GPC5: variants seen among roughly 807,000 people sequenced by gnomAD.
GPC5 encodes the protein glypican-5.
GPC5 carries 47 observed loss-of-function variants against 53.9 expected under a neutral mutation model. The ratio of observed to expected loss-of-function variants is 0.87; its 90% CI spans 0.69 to 1.11. The LOEUF (loss-of-function observed/expected upper bound fraction) is 1.11, where lower values mean the gene tolerates loss of function less well. GPC5 is among the 50% of genes most tolerant of loss of function. GPC5 has a pLI of 0.00. For synonymous variants in GPC5, 286 were observed against 263.3 expected (o/e 1.09, Z -0.84); for missense variants, 748 against 713.1 (o/e 1.05, Z -0.56).
At chr13:92,828,768 C>T (rs188193682) in intron 7 of GPC5, among the ~76,000 whole-genome samples, 117 of 152,154 alleles carry the variant, frequency 7.7e-4, no homozygotes, top group African/African-American at 2.8e-3. Context: ...CAAAGACGTC[C>T]ACTAAAATTT....
At chr13:91,826,037 A>G (rs1288085488) in intron 5 of GPC5, among the ~76,000 whole-genome samples, 1 of 152,106 alleles carries the variant, frequency 6.6e-6, no homozygotes, top group East Asian at 1.9e-4. Flanking sequence ...CAAGTTAACT[A>G]AAAATAACAT....
At chr13:92,177,403 T>C (rs78804181) in intron 7 of GPC5, among the ~76,000 whole-genome samples, 3,473 of 152,330 alleles carry the variant, frequency 0.023, 133 homozygotes, top group African/African-American at 0.078. Context: ...TTATTTCAAA[T>C]GATTAACCTA....
chr13:92,377,095 C>T (rs2043701280), intron 7 of GPC5, among the ~76,000 whole-genome samples: 1 of 152,070 alleles, frequency 6.6e-6, no homozygotes, highest in African/African-American at 2.4e-5. Flanking sequence ...TCTTTCAAAC[C>T]TTAGTTCCTG....
chr13:92,069,519 G>A (rs929807853), intron 6 of GPC5, among the ~76,000 whole-genome samples: 2 of 151,250 alleles, frequency 1.3e-5, no homozygotes, highest in African/African-American at 4.9e-5. Context: ...TATACCTCAT[G>A]GCATCTCCAT....
At chr13:92,714,288 C>G (rs184264347) in intron 7 of GPC5, among the ~76,000 whole-genome samples, 16 of 152,264 alleles carry the variant, frequency 1.1e-4, no homozygotes, top group Admixed American at 2.0e-4. Context: ...GATAAGAATA[C>G]AGATTTTATG....
intron 7 of GPC5, among the ~76,000 whole-genome samples, chr13:92,178,803 C>T (rs1407814396): frequency 4.6e-5 from 7 of 151,886 alleles, no homozygotes; most frequent in East Asian, 1.9e-4. Context: ...GGTGAAACCC[C>T]GTCTCTACTA....
intron 2 of GPC5, among the ~76,000 whole-genome samples, chr13:91,628,480 A>ATCTGTCTG (rs56957789): frequency 0.059 from 8,732 of 149,120 alleles, 398 homozygotes; most frequent in South Asian, 0.22. Flanking sequence ...ATTTGTATCT[A>ATCTGTCTG]TCTGTCTGTC....
At chr13:92,270,896 C>T (rs1281901118) in intron 7 of GPC5, among the ~76,000 whole-genome samples, 1 of 152,096 alleles carries the variant, frequency 6.6e-6, no homozygotes, top group Non-Finnish European at 1.5e-5. Context: ...AATACATAAT[C>T]TTGCTTTGTA....
chr13:91,957,560 A>C (rs893604964), intron 6 of GPC5, among the ~76,000 whole-genome samples: 3 of 152,208 alleles, frequency 2.0e-5, no homozygotes, highest in African/African-American at 7.2e-5. Context: ...AAAAATAGCA[A>C]GAGAAAAGCA....
chr13:92,349,707 T>A (rs1433988496), intron 7 of GPC5, among the ~76,000 whole-genome samples: 4 of 152,000 alleles, frequency 2.6e-5, no homozygotes, highest in African/African-American at 9.7e-5. Context: ...ATAAAAAATC[T>A]GAAATGACCA....
At chr13:92,498,653 C>G (rs903716121) in intron 7 of GPC5, among the ~76,000 whole-genome samples, 8 of 152,276 alleles carry the variant, frequency 5.3e-5, no homozygotes, top group African/African-American at 1.9e-4. Flanking sequence ...GGAGACTCTC[C>G]TGCCCTGCTC....
chr13:91,647,520 C>T (rs1393388706), intron 2 of GPC5, among the ~76,000 whole-genome samples: 1 of 152,244 alleles, frequency 6.6e-6, no homozygotes, highest in Non-Finnish European at 1.5e-5. Flanking sequence ...TTTCTGCATT[C>T]CTCCTGAGGC....
intron 7 of GPC5, among the ~76,000 whole-genome samples, chr13:92,689,546 G>T (rs1887333162): frequency 1.2e-5 from 1 of 85,742 alleles, no homozygotes; most frequent in Non-Finnish European, 2.4e-5. Flanking sequence ...TCTTTTAATT[G>T]CAGAATTTAG....
chr13:91,596,215 A>G (rs1041237837), intron 2 of GPC5, among the ~76,000 whole-genome samples: 2 of 152,020 alleles, frequency 1.3e-5, no homozygotes, highest in African/African-American at 4.8e-5. Flanking sequence ...ATATTTTTTC[A>G]TTCTTATAAT....
chr13:91,974,313 A>G (rs2040275477), intron 6 of GPC5, among the ~76,000 whole-genome samples: 1 of 152,200 alleles, frequency 6.6e-6, no homozygotes, highest in African/African-American at 2.4e-5. Flanking sequence ...CAATTAGGGA[A>G]AGAGGAAGTC....
chr13:91,438,174 C>T (rs1264427067), intron 1 of GPC5, among the ~76,000 whole-genome samples: 2 of 152,188 alleles, frequency 1.3e-5, no homozygotes, highest in Admixed American at 1.3e-4. Flanking sequence ...CAAAGTCATT[C>T]TCTGTCCAGC....
intron 7 of GPC5, among the ~76,000 whole-genome samples, chr13:92,542,589 C>T (rs1028822097): frequency 6.6e-6 from 1 of 151,858 alleles, no homozygotes; most frequent in Admixed American, 6.6e-5. Context: ...GTTTTATATA[C>T]TTTTGCATTT....
At chr13:91,849,285 G>A (rs79773967) in intron 5 of GPC5, among the ~76,000 whole-genome samples, 4,217 of 152,134 alleles carry the variant, frequency 0.028, 206 homozygotes, top group African/African-American at 0.096. Context: ...AATTACCAAG[G>A]CTTTGTGTCT....
At chr13:92,766,102 G>T (rs943111642) in intron 7 of GPC5, among the ~76,000 whole-genome samples, 2 of 152,096 alleles carry the variant, frequency 1.3e-5, no homozygotes, top group Non-Finnish European at 2.9e-5. Context: ...CATTTGGCCC[G>T]TTGGTCATAG....
Sources: allele counts gnomAD v4.1 joint callset (sites outside exome capture counted in the v4.1 genomes callset), GRCh38; gene constraint gnomAD v4.1.1; transcripts MANE v1.5; gene names NCBI Gene and HGNC (gene_info 2026-07-23, HGNC 2026-07-21).